Variants in ATG5 observed in about 807,000 individuals in gnomAD.
ATG5 encodes the protein autophagy protein 5.
ATG5 carries 14 observed loss-of-function variants against 36.5 expected under a neutral mutation model. The observed-to-expected ratio is 0.38, with a 90% confidence interval of 0.25 to 0.60. The LOEUF is 0.60. Among genes scored for constraint, ATG5 ranks in the 20% least tolerant of loss-of-function variants. The probability of loss-of-function intolerance (pLI) is 0.60; values close to 1 mark genes in which losing one functional copy is unlikely to be tolerated. For synonymous variants in ATG5, 95 were observed against 101.5 expected (o/e 0.94, Z 0.38); for missense variants, 195 against 326.7 (o/e 0.60, Z 3.11).
chr6:106,215,295 A>G (rs889693780), intron 6 of ATG5, among the ~76,000 whole-genome samples: 1 of 152,226 alleles, frequency 6.6e-6, no homozygotes, highest in African/African-American at 2.4e-5. Flanking sequence ...TAACCCAGGG[A>G]AAAGTGATTC....
rs918225395 is a variant in ATG5 at position 106,185,580 on chromosome 6, A to G, written c.*960T>C. ...CTGCCAGGGACCACAGTGAAAAATT[A>G]GACCTGGAGCCAATGAAAAACACTA... On this transcript the variant is annotated 3_prime_UTR_variant, in exon 8 of 8. Coordinates refer to ENST00000369076, the MANE Select transcript of ATG5 (RefSeq NM_004849.4). 2.0e-5 allele frequency: 3 copies of G among 152,488 alleles called. No homozygotes were observed. Among genetic ancestry groups the G allele is most frequent in the East Asian group, 1.9e-4 (1 of 5,330 alleles). The allele number at this position is 152,488 out of a possible 1,614,324, so 9.4% of individuals were successfully genotyped here.
At chr6:106,203,216 C>G (rs1776504861) in intron 6 of ATG5, among the ~76,000 whole-genome samples, 1 of 152,122 alleles carries the variant, frequency 6.6e-6, no homozygotes, top group Non-Finnish European at 1.5e-5. Flanking sequence ...TAATTTATTG[C>G]TAATAATCTC....
Position 106,186,555 on chromosome 6 carries a change from T to C in ATG5, c.813A>G (p.Pro271=), listed in dbSNP as rs1393328358. The C allele has an allele frequency of 6.2e-7, 1 of 1,613,572 alleles. No homozygotes were observed. The highest frequency in any genetic ancestry group is 8.5e-7 in the Non-Finnish European group (1 of 1,179,678). ...PDNFLHISII[P]QPTD ...AGTTGATCCTTCAATCTGTTGGCTG[T>C]GGGATGATACTAATATGAAGAAAAT... is the stretch of plus-strand genomic sequence containing the variant. Residue 271 remains proline (P), a synonymous_variant, in exon 8 of 8, where the codon CCA becomes CCG. Transcript: ENST00000369076.
intron 5 of ATG5, among the ~76,000 whole-genome samples, chr6:106,271,178 C>T (rs1159028302): frequency 6.6e-6 from 1 of 152,154 alleles, no homozygotes; most frequent in Non-Finnish European, 1.5e-5. Context: ...TCTCCAAACT[C>T]ATCTCGGGCC....
rs139657318 is a variant in ATG5, at chr6:106,226,032, C to T, written c.573+22118G>A. ...CATCTACGAAGGCCCTAAACTCTCA[C>T]CTATGGGAAACCCTGAGGCTCTGTA... On this transcript the variant is annotated intron_variant, in intron 6 of 7. Coordinates refer to ENST00000369076, the MANE Select transcript of ATG5 (RefSeq NM_004849.4). 1.7e-3 allele frequency among the ~76,000 whole-genome samples: 252 copies of T among 152,340 alleles called. 1 individual carries two copies. Among genetic ancestry groups the T allele is most frequent in the African/African-American group, 5.3e-3 (219 of 41,580 alleles).
At chr6:106,311,284 A>G (rs1770636591) in intron 2 of ATG5, among the ~76,000 whole-genome samples, 1 of 152,266 alleles carries the variant, frequency 6.6e-6, no homozygotes, top group Non-Finnish European at 1.5e-5. Context: ...GATACAAAAA[A>G]ACAAAATTAC....
At chr6:106,278,513 A>G (rs117824279) in intron 5 of ATG5, among the ~76,000 whole-genome samples, 2 of 152,282 alleles carry the variant, frequency 1.3e-5, no homozygotes, top group East Asian at 1.9e-4. Context: ...ATTTATGTCA[A>G]TAAGTTCACC....
intron 5 of ATG5, among the ~76,000 whole-genome samples, chr6:106,277,691 G>A (rs1779714506): frequency 6.6e-6 from 1 of 152,194 alleles, no homozygotes; most frequent in Non-Finnish European, 1.5e-5. Context: ...GCACATGCTT[G>A]TAATCCCAGC....
At chr6:106,315,209 G>C (rs1237165492) in intron 2 of ATG5, among the ~76,000 whole-genome samples, 1 of 152,200 alleles carries the variant, frequency 6.6e-6, no homozygotes, top group Non-Finnish European at 1.5e-5. Flanking sequence ...AGATGAGGGG[G>C]AAAGCAAAGG....
intron 2 of ATG5, among the ~76,000 whole-genome samples, chr6:106,310,931 T>G (rs1015946166): frequency 6.6e-6 from 1 of 152,238 alleles, no homozygotes; most frequent in African/African-American, 2.4e-5. Flanking sequence ...ATTCTCTTAT[T>G]CCTCATTTAG....
chr6:106,221,522 T>C (rs1562219577), intron 6 of ATG5, among the ~76,000 whole-genome samples: 1 of 151,420 alleles, frequency 6.6e-6, no homozygotes, highest in Non-Finnish European at 1.5e-5. Context: ...CCCATCTCTA[T>C]AAAAAATACA....
intron 6 of ATG5, among the ~76,000 whole-genome samples, chr6:106,247,470 C>T (rs1778386451): frequency 6.6e-6 from 1 of 152,132 alleles, no homozygotes; most frequent in Non-Finnish European, 1.5e-5. Context: ...TGAAGACTCA[C>T]CATCCAAAAC....
At chr6:106,186,976 A>G (rs1283615179) in intron 7 of ATG5, among the ~76,000 whole-genome samples, 1 of 152,232 alleles carries the variant, frequency 6.6e-6, no homozygotes, top group Non-Finnish European at 1.5e-5. Context: ...TGGCAAAAAC[A>G]GCCCATTGTA....
intron 3 of ATG5, among the ~76,000 whole-genome samples, chr6:106,300,103 T>C (rs951053235): frequency 1.3e-5 from 2 of 152,190 alleles, no homozygotes; most frequent in African/African-American, 2.4e-5. Flanking sequence ...GGATACCACA[T>C]ATATAAAATC....
chr6:106,273,385 G>A (rs892932206), intron 5 of ATG5, among the ~76,000 whole-genome samples: 4 of 152,156 alleles, frequency 2.6e-5, no homozygotes, highest in South Asian at 2.1e-4. Flanking sequence ...TAAAAAGACC[G>A]AGAAGGAGGG....
chr6:106,321,771 T>TA (rs1771085047), intron 1 of ATG5, among the ~76,000 whole-genome samples: 1 of 152,186 alleles, frequency 6.6e-6, no homozygotes, highest in South Asian at 2.1e-4. Context: ...GCAATGTAGT[T>TA]ATCTGTTTAT....
At chr6:106,281,870 T>C (rs181402317) in intron 4 of ATG5, among the ~76,000 whole-genome samples, 24 of 152,350 alleles carry the variant, frequency 1.6e-4, no homozygotes, top group South Asian at 4.1e-4. Flanking sequence ...GTCATTCTAG[T>C]GAGTGTAATG....
At chr6:106,295,027 C>T (rs1025104051) in intron 3 of ATG5, among the ~76,000 whole-genome samples, 33 of 149,436 alleles carry the variant, frequency 2.2e-4, no homozygotes, top group Admixed American at 2.1e-3. Context: ...AAAACTCTCG[C>T]CTCAGTCAAA....
chr6:106,218,724 C>T (rs551656412), intron 6 of ATG5, among the ~76,000 whole-genome samples: 1 of 152,120 alleles, frequency 6.6e-6, no homozygotes, highest in Non-Finnish European at 1.5e-5. Flanking sequence ...AGAATTGTCC[C>T]AAGCTGATTC....
Sources: gnomAD v4.1 joint callset for allele counts (sites outside exome capture counted in the v4.1 genomes callset) on GRCh38, gnomAD v4.1.1 for gene constraint, MANE v1.5 for transcripts, NCBI Gene and HGNC (gene_info 2026-07-23, HGNC 2026-07-21) for gene names.